The following PDE9A variants were observed in gnomAD, a reference collection of about 807,000 sequenced individuals.
The protein encoded by PDE9A is phosphodiesterase 9A.
PDE9A carries 60 observed loss-of-function variants against 87.4 expected under a neutral mutation model. That is an observed-to-expected ratio of 0.69 (90% CI 0.56 to 0.85). The LOEUF (loss-of-function observed/expected upper bound fraction) is 0.85, where lower values mean the gene tolerates loss of function less well. PDE9A is among the 40% of genes least tolerant of loss of function. The pLI, the probability that PDE9A is intolerant of heterozygous loss-of-function variation, is 0.00. For missense variants in PDE9A, 665 were observed against 779.0 expected, an observed-to-expected ratio of 0.85 and a Z score of 1.74; for synonymous variants, 272 against 279.4, an observed-to-expected ratio of 0.97 and a Z score of 0.27.
At chr21:42,772,120 G>C (rs1396013142) in intron 18 of PDE9A, among the ~76,000 whole-genome samples, 1 of 152,124 alleles carries the variant, frequency 6.6e-6, no homozygotes, top group Non-Finnish European at 1.5e-5. Flanking sequence ...CCCACAAAAA[G>C]GAGAGACACG....
intron 10 of PDE9A, 105 bp from the exon 11 acceptor site, chr21:42,758,893 GC>G: frequency 1.3e-6 from 1 of 798,632 alleles, no homozygotes; most frequent in East Asian, 2.6e-5. Context: ...CCCACCTCCT[GC>G]CAACGGCCCT....
intron 19 of PDE9A, among the ~76,000 whole-genome samples, chr21:42,773,758 G>T (rs554077348): frequency 1.1e-3 from 157 of 142,522 alleles, no homozygotes; most frequent in African/African-American, 3.3e-3. Context: ...CCAAGATCGC[G>T]CCACTGCACT....
rs754926196 is a variant in PDE9A at position 42,692,028 on chromosome 21, C to T, written c.218+4034C>T. Among the ~76,000 whole-genome samples the T allele has an allele frequency of 2.8e-4, 43 of 152,324 alleles. No homozygotes were observed. The highest frequency in any genetic ancestry group is 5.4e-4 in the Non-Finnish European group (37 of 68,032). ...TCACTGGCTTCCTCCCCTCAGTGTG[C>T]GCCTCAGTCTGAAGTGATCTCACTT... On this transcript the variant is annotated intron_variant, in intron 3 of 19. Coordinates refer to ENST00000291539, the MANE Select transcript of PDE9A (RefSeq NM_002606.3). This position sits in a 1 kb window ranked among gnomAD's most constrained non-coding sequence, Gnocchi z 4.3.
Position 42,704,433 on chromosome 21 carries a change from A to ACAC in PDE9A, c.262+5422_262+5423insCAC, listed in dbSNP as rs2048641560. ...CAGGTAGACCCCCCCCACCCCACCA[A>ACAC]ACACACACACACACACACACACACA... On this transcript the variant is annotated intron_variant, in intron 4 of 19. Transcript: ENST00000291539. The surrounding 1 kb of genome is among the most constrained non-coding windows in gnomAD (Gnocchi z 5.3). Among the ~76,000 whole-genome samples, 1 of 137,040 alleles carries ACAC rather than the reference A, an allele frequency of 7.3e-6. No individual in the cohort carries two copies. The highest frequency in any genetic ancestry group is 2.8e-5 in the African/African-American group (1 of 36,246). The allele number at this position is 137,040 out of a possible 152,430, so 89.9% of individuals were successfully genotyped here.
At chr21:42,751,022 T>C (rs35998613) in intron 8 of PDE9A, 94 bp from the exon 9 acceptor site, 34,104 of 836,876 alleles carry the variant, frequency 0.041, 854 homozygotes, top group South Asian at 0.063. Context: ...ACACGGGGCT[T>C]GGGGGTTGGG....
intron 3 of PDE9A, among the ~76,000 whole-genome samples, chr21:42,691,844 T>A (rs1396598681): frequency 1.4e-5 from 2 of 147,524 alleles, no homozygotes; most frequent in African/African-American, 5.1e-5. Flanking sequence ...ACCATCACCA[T>A]CCAAAGTCAC....
chr21:42,704,433 A>ACACACACACAC lies in PDE9A; in HGVS notation c.262+5422_262+5423insCACACACACAC, dbSNP rs2048641560. Reference sequence around the variant, plus strand: ...CAGGTAGACCCCCCCCACCCCACCAAACACACACACACACACACACACACA... The same window carrying ACACACACACAC: ...CAGGTAGACCCCCCCCACCCCACCAACACACACACACACACACACACACACACACACACACA... On this transcript the variant is annotated intron_variant, in intron 4 of 19. Transcript: ENST00000291539. This position sits in a 1 kb window ranked among gnomAD's most constrained non-coding sequence, Gnocchi z 5.3. Among the ~76,000 whole-genome samples the ACACACACACAC allele has an allele frequency of 7.3e-6, 1 of 137,040 alleles. No homozygotes were observed. Among genetic ancestry groups the ACACACACACAC allele is most frequent in the Non-Finnish European group, 1.6e-5 (1 of 63,726 alleles). 89.9% of individuals were successfully genotyped at this position (137,040 alleles called of 152,430 possible). A position where few individuals can be genotyped will look rare whatever the true frequency, so the allele number is the denominator to read the frequency against.
chr21:42,726,614 A>T (rs866704000), intron 4 of PDE9A, among the ~76,000 whole-genome samples: 375 of 22,538 alleles, frequency 0.017, 29 homozygotes, highest in African/African-American at 0.11. Context: ...ATATATATAT[A>T]TATATATATA....
intron 9 of PDE9A, among the ~76,000 whole-genome samples, chr21:42,751,823 T>G (rs990888916): frequency 3.4e-5 from 5 of 146,102 alleles, no homozygotes; most frequent in African/African-American, 7.6e-5. Flanking sequence ...CTTGGCTCAC[T>G]GCAACCTCTG....
chr21:42,713,787 T>C (rs2049563938), intron 4 of PDE9A, among the ~76,000 whole-genome samples: 1 of 152,218 alleles, frequency 6.6e-6, no homozygotes, highest in African/African-American at 2.4e-5. Context: ...TGGCATAATG[T>C]GTATGTTAAT....
chr21:42,656,808 A>T (rs565034910), intron 1 of PDE9A, among the ~76,000 whole-genome samples: 34 of 152,312 alleles, frequency 2.2e-4, no homozygotes, highest in Non-Finnish European at 4.9e-4. Flanking sequence ...TGTGCCCTGG[A>T]GTCCAACTGA....
Position 42,746,919 on chromosome 21 carries a change from G to A in PDE9A, c.653+3059G>A, listed in dbSNP as rs575921285. On this transcript the variant is annotated intron_variant, in intron 8 of 19. Coordinates refer to ENST00000291539, the MANE Select transcript of PDE9A (RefSeq NM_002606.3). ...TGGTGCCCCGTCAGCTTCTGGAGGCGACGTTCTCGGCTGACAGCTCTGGCA... is the reference window on the plus strand; with the variant it reads ...TGGTGCCCCGTCAGCTTCTGGAGGCAACGTTCTCGGCTGACAGCTCTGGCA... Among the ~76,000 whole-genome samples, 34 of 152,328 alleles carry A rather than the reference G, an allele frequency of 2.2e-4. No individual in the cohort carries two copies. The East Asian group carries it at 3.7e-3, about 16-fold the overall frequency.
At chr21:42,726,624 A>ATATATATATATTTTTTT in intron 4 of PDE9A, among the ~76,000 whole-genome samples, 8 of 19,778 alleles carry the variant, frequency 4.0e-4, no homozygotes, top group Admixed American at 8.2e-4. Context: ...ATATATATAT[A>ATATATATATATTTTTTT]TTTTTTTTTT....
rs745971433 is a variant in PDE9A at position 42,772,477 on chromosome 21, C to T, written c.1725C>T (p.Thr575=). The change falls in exon 19 of 20, where the codon ACC becomes ACT. Residue 575 remains threonine, a synonymous_variant. Transcript: ENST00000291539. The part of the protein sequence containing the change: ...KKTDSLTSGA[T]EKSRERSRDV... ...CTGACAGCTTGACGTCTGGGGCCAC[C>T]GAGAAGTCCAGAGAGAGAAGCAGAG... 41 of 1,610,284 alleles carry T rather than the reference C, an allele frequency of 2.5e-5. No homozygotes were observed. In the Admixed American group the frequency reaches 4.5e-4, roughly 18 times the overall value.
chr21:42,775,189 C>A, intron 19 of PDE9A, 91 bp from the exon 20 acceptor site: 1 of 1,232,190 alleles, frequency 8.1e-7, no homozygotes, highest in Non-Finnish European at 1.2e-6. Flanking sequence ...ATCCACCCAC[C>A]TTGGTCTCTC....
chr21:42,735,994 C>G (rs1410224619), intron 7 of PDE9A, among the ~76,000 whole-genome samples: 1 of 152,080 alleles, frequency 6.6e-6, no homozygotes, highest in East Asian at 1.9e-4. Context: ...TGCAGAGTCC[C>G]CACCCCTCTT....
At chr21:42,685,217 C>T (rs960753326) in intron 1 of PDE9A, among the ~76,000 whole-genome samples, 1 of 152,232 alleles carries the variant, frequency 6.6e-6, no homozygotes, top group Non-Finnish European at 1.5e-5. Context: ...ATACCCCCTC[C>T]CTGAGAGCCG....
intron 10 of PDE9A, among the ~76,000 whole-genome samples, chr21:42,756,391 T>C (rs1399858739): frequency 3.3e-5 from 5 of 152,162 alleles, no homozygotes; most frequent in Admixed American, 6.5e-5. Flanking sequence ...CACCTGGCAC[T>C]CAGAGAACGT....
In PDE9A at chr21:42,677,915, T is replaced by C. The variant is rs370611453; in HGVS notation, c.70-8277T>C. 1.4e-4 allele frequency among the ~76,000 whole-genome samples: 22 copies of C among 152,308 alleles called. No homozygotes were observed. In the East Asian group the frequency reaches 4.1e-3, roughly 28 times the overall value. The stretch of plus-strand genomic sequence containing the variant: ...ACCTCAGTCTCCCAAAGAGCTAGGA[T>C]CACAGGCGTGAGCCACTGAGCCCAG... On this transcript the variant is annotated intron_variant, in intron 1 of 19. Transcript: ENST00000291539.
Sources: gnomAD v4.1 joint callset for allele counts (sites outside exome capture counted in the v4.1 genomes callset) on GRCh38, gnomAD v4.1.1 for gene constraint, Gnocchi (gnomAD v3.1) non-coding constraint, MANE v1.5 for transcripts, NCBI Gene and HGNC (gene_info 2026-07-23, HGNC 2026-07-21) for gene names.